Variants in CHST3 observed in about 807,000 individuals in gnomAD.
CHST3 encodes C6ST-1.
CHST3 carries 20 observed loss-of-function variants against 35.4 expected under a neutral mutation model. That is an observed-to-expected ratio of 0.57 (90% CI 0.40 to 0.82). CHST3 has a LOEUF of 0.82. Ranked by LOEUF, CHST3 falls within the 40% of genes least tolerant of loss-of-function variation. The probability of loss-of-function intolerance (pLI) is 0.00; values close to 1 mark genes in which losing one functional copy is unlikely to be tolerated. For synonymous variants in CHST3, 334 were observed against 295.9 expected (o/e 1.13, Z -1.32); for missense variants, 693 against 670.1 (o/e 1.03, Z -0.38).
intron 1 of CHST3, among the ~76,000 whole-genome samples, chr10:71,972,380 A>G (rs1839704086): frequency 1.3e-5 from 2 of 152,134 alleles, no homozygotes; most frequent in South Asian, 2.1e-4. Context: ...AGCTCTGGCA[A>G]TGTTGGCGTT....
intron 1 of CHST3, among the ~76,000 whole-genome samples, chr10:71,974,513 G>A (rs527986564): frequency 2.6e-5 from 4 of 152,336 alleles, no homozygotes; most frequent in African/African-American, 9.6e-5. Flanking sequence ...GCAGCCAGGA[G>A]CAGAGCAGGA....
At chr10:71,996,374 C>T (rs1479259700) in intron 1 of CHST3, among the ~76,000 whole-genome samples, 2 of 145,328 alleles carry the variant, frequency 1.4e-5, no homozygotes, top group Non-Finnish European at 1.5e-5. Context: ...CTTTGTCAGA[C>T]GTTGTGCCAA....
rs1489679106 is a variant in CHST3 at position 72,005,989 on chromosome 10, G to A, written c.140+7G>A. 3 of 1,597,346 alleles carry A rather than the reference G, an allele frequency of 1.9e-6. No homozygotes were observed. The highest frequency in any genetic ancestry group is 1.3e-5 in the African/African-American group (1 of 74,764). ...AAAATAAAATCATATCAAGGTGAGG[G>A]TTGCAAGCCCAAGTCTTCATCTTCC... On this transcript the variant is annotated splice_region_variant and intron_variant, in intron 2 of 2. Coordinates refer to ENST00000373115, the MANE Select transcript of CHST3 (RefSeq NM_004273.5).
intron 1 of CHST3, among the ~76,000 whole-genome samples, chr10:71,978,181 G>A (rs919263127): frequency 1.3e-5 from 2 of 152,082 alleles, no homozygotes; most frequent in African/African-American, 2.4e-5. Context: ...AGGAGTTTGA[G>A]ACCAGCCTGA....
chr10:71,997,461 T>C (rs1441527592), intron 1 of CHST3, among the ~76,000 whole-genome samples: 1 of 152,090 alleles, frequency 6.6e-6, no homozygotes, highest in East Asian at 1.9e-4. Context: ...AGCCACCTGC[T>C]CTCTCCTGGA....
chr10:71,994,981 A>G (rs75393606), intron 1 of CHST3, among the ~76,000 whole-genome samples: 14,884 of 152,232 alleles, frequency 0.098, 731 homozygotes, highest in Admixed American at 0.15. Context: ...AGTTAGGGAC[A>G]TGCTCTGGTT....
intron 1 of CHST3, among the ~76,000 whole-genome samples, chr10:71,968,766 G>A (rs2131735519): frequency 6.6e-6 from 1 of 152,164 alleles, no homozygotes; most frequent in East Asian, 1.9e-4. Context: ...CAGGCTGCTG[G>A]AGCCTTCTGT....
chr10:71,967,967 C>T (rs765402398), intron 1 of CHST3, among the ~76,000 whole-genome samples: 1 of 97,966 alleles, frequency 1.0e-5, no homozygotes. Context: ...CACCACCATG[C>T]GTGGCTAATT....
At chr10:71,975,518 C>T (rs1839736632) in intron 1 of CHST3, among the ~76,000 whole-genome samples, 1 of 152,198 alleles carries the variant, frequency 6.6e-6, no homozygotes, top group South Asian at 2.1e-4. Flanking sequence ...GGCTTGAAGT[C>T]TGTAGATCCA....
At chr10:71,977,731 G>A (rs908381674) in intron 1 of CHST3, among the ~76,000 whole-genome samples, 5 of 151,926 alleles carry the variant, frequency 3.3e-5, no homozygotes, top group African/African-American at 7.3e-5. Flanking sequence ...GTGCAGTGGC[G>A]TGATCTCAGC....
intron 1 of CHST3, among the ~76,000 whole-genome samples, chr10:71,982,985 G>A (rs890793039): frequency 6.6e-6 from 1 of 152,214 alleles, no homozygotes; most frequent in African/African-American, 2.4e-5. Context: ...CCTCTTGGCA[G>A]TCAGACAGAC....
chr10:71,992,524 A>G (rs193007682), intron 1 of CHST3, among the ~76,000 whole-genome samples: 7 of 152,178 alleles, frequency 4.6e-5, no homozygotes, highest in Admixed American at 2.6e-4. Flanking sequence ...TGCTGCATCA[A>G]TTGACTCTTC....
chr10:72,008,216 G>A lies in CHST3; in HGVS notation c.1185G>A (p.Pro395=), dbSNP rs1455730645. ...GCTTCGCCGGCATCCCCCTGACCCCGCAGGTGGAAGACTGGATCCAAAAGA... is the reference window on the plus strand; with the variant it reads ...GCTTCGCCGGCATCCCCCTGACCCCACAGGTGGAAGACTGGATCCAAAAGA... ...MYRFAGIPLT[P]QVEDWIQKNT... Residue 395 remains proline (P), a synonymous_variant, in exon 3 of 3, where the codon CCG becomes CCA. Transcript: ENST00000373115. 2.6e-6 allele frequency: 4 copies of A among 1,555,074 alleles called. No individual in the cohort carries two copies. Among genetic ancestry groups the A allele is most frequent in the Admixed American group, 3.9e-5 (2 of 51,646 alleles).
rs1472261705 is a variant in CHST3 at position 72,008,252 on chromosome 10, G to T, written c.1221G>T (p.Ala407=). 1.3e-6 allele frequency: 2 copies of T among 1,576,452 alleles called. No homozygotes were observed. The highest frequency in any genetic ancestry group is 1.7e-6 in the Non-Finnish European group (2 of 1,161,668). ...VEDWIQKNTQ[A]AHDGSGIYST... is the part of the protein sequence containing the mutation. The stretch of plus-strand genomic sequence containing the variant: ...ACTGGATCCAAAAGAACACGCAGGC[G>T]GCCCACGACGGCAGCGGCATCTACT... Residue 407 remains alanine (A), a synonymous_variant, in exon 3 of 3, where the codon GCG becomes GCT. Transcript: ENST00000373115.
At chr10:71,984,278 C>T (rs974188248) in intron 1 of CHST3, among the ~76,000 whole-genome samples, 3 of 152,250 alleles carry the variant, frequency 2.0e-5, no homozygotes, top group Admixed American at 6.5e-5. Flanking sequence ...CCGCCTCAGC[C>T]TCCCAAAGTG....
At chr10:71,978,965 C>T (rs1319399348) in intron 1 of CHST3, among the ~76,000 whole-genome samples, 3 of 152,216 alleles carry the variant, frequency 2.0e-5, no homozygotes, top group Admixed American at 2.0e-4. Flanking sequence ...AGTTCAATAA[C>T]ATACCAGGTT....
At chr10:71,980,397 C>T (rs1260788932) in intron 1 of CHST3, among the ~76,000 whole-genome samples, 3 of 152,078 alleles carry the variant, frequency 2.0e-5, no homozygotes, top group African/African-American at 7.2e-5. Flanking sequence ...TCATGCTTAT[C>T]ATTATGATAC....
intron 1 of CHST3, among the ~76,000 whole-genome samples, chr10:71,989,866 T>C (rs1839881398): frequency 6.6e-6 from 1 of 152,244 alleles, no homozygotes; most frequent in African/African-American, 2.4e-5. Context: ...CTTGCTTTTA[T>C]CACTCATGTC....
chr10:72,004,066 C>T (rs1840016250), intron 1 of CHST3, among the ~76,000 whole-genome samples: 1 of 152,124 alleles, frequency 6.6e-6, no homozygotes, highest in Admixed American at 6.6e-5. Context: ...ATCCCAGCTA[C>T]TCGGGAGGCT....
Sources: gnomAD v4.1 joint callset for allele counts (sites outside exome capture counted in the v4.1 genomes callset) on GRCh38, gnomAD v4.1.1 for gene constraint, MANE v1.5 for transcripts, NCBI Gene and HGNC (gene_info 2026-07-23, HGNC 2026-07-21) for gene names.